The following ZNF226 variants were observed in gnomAD, a reference collection of about 807,000 sequenced individuals.
ZNF226 encodes the protein zinc finger protein 226, also known as Kruppel-associated box protein.
ZNF226 carries 6 observed loss-of-function variants against 11.4 expected under a neutral mutation model. That is an observed-to-expected ratio of 0.53 (90% CI 0.29 to 1.04). The LOEUF is 1.04. ZNF226 is among the 50% of genes least tolerant of loss of function. The pLI is 0.08. For synonymous variants in ZNF226, 350 were observed against 322.8 expected (o/e 1.08, Z -0.90); for missense variants, 1,058 against 956.5 (o/e 1.11, Z -1.40).
intron 4 of ZNF226, chr19:44,172,423 G>C: frequency 1.9e-6 from 1 of 523,150 alleles, no homozygotes; most frequent in South Asian, 2.5e-5. Context: ...ACAGAATACT[G>C]CTATGCCTTG....
Position 44,176,903 on chromosome 19 carries a change from A to G in ZNF226, c.1641A>G (p.Gln547=). 6.2e-7 allele frequency: 1 copy of G among 1,612,990 alleles called. No homozygotes were observed. Among genetic ancestry groups the G allele is most frequent in the Non-Finnish European group, 8.5e-7 (1 of 1,179,674 alleles). The change falls in exon 6 of 6, where the codon CAA becomes CAG. Residue 547 remains glutamine (Q), a synonymous_variant. Transcript: ENST00000337433. ...GCTTCAGTCAAAGTTCGTATCTTCA[A>G]ATCCATCAGAAGGCCCACAGTATAG... The part of the protein sequence containing the change: ...GKGFSQSSYL[Q]IHQKAHSIEK...
the ZNF226 span, among the ~76,000 whole-genome samples, chr19:44,190,577 C>T: frequency 5.3e-5 from 8 of 152,110 alleles, no homozygotes; most frequent in East Asian, 5.8e-4. Flanking sequence ...CCTCTTGATC[C>T]GCCCGCCTCG....
the ZNF226 span, among the ~76,000 whole-genome samples, chr19:44,198,571 G>T: frequency 1.3e-5 from 2 of 152,220 alleles, no homozygotes; most frequent in East Asian, 3.8e-4. Context: ...TGGTAGCCAT[G>T]AAAATGTATT....
chr19:44,179,559 AT>A (rs1342029255), downstream of ZNF226, among the ~76,000 whole-genome samples: 1 of 152,206 alleles, frequency 6.6e-6, no homozygotes, highest in East Asian at 1.9e-4. Context: ...CAGTGAATGC[AT>A]TTGAAGCTGC....
At chr19:44,194,390 C>T in the ZNF226 span, among the ~76,000 whole-genome samples, 1 of 152,168 alleles carries the variant, frequency 6.6e-6, no homozygotes, top group Non-Finnish European at 1.5e-5. Context: ...ATCCTGTTAT[C>T]GCAGCCTCCT....
intron 5 of ZNF226, 172 bp from the exon 6 acceptor site, chr19:44,175,326 G>C: frequency 3.5e-6 from 5 of 1,409,808 alleles, no homozygotes; most frequent in Non-Finnish European, 4.6e-6. Context: ...TCTTGGTTTT[G>C]GACCATCTCT....
At chr19:44,199,349 A>T in the ZNF226 span, among the ~76,000 whole-genome samples, 1 of 151,324 alleles carries the variant, frequency 6.6e-6, no homozygotes, top group African/African-American at 2.4e-5. Context: ...TAGTTTTTGT[A>T]TTTTTTTGTA....
chr19:44,195,953 C>T, the ZNF226 span, among the ~76,000 whole-genome samples: 36 of 152,184 alleles, frequency 2.4e-4, no homozygotes, highest in Non-Finnish European at 4.3e-4. Flanking sequence ...TGGCACACTA[C>T]AGCCTCAGGC....
At chr19:44,179,624 A>G (rs1446596627), downstream of ZNF226, among the ~76,000 whole-genome samples, 5 of 152,204 alleles carry the variant, frequency 3.3e-5, no homozygotes, top group Admixed American at 6.6e-5. Context: ...TTCCAGTAGT[A>G]GGAATGCTTC....
the ZNF226 span, among the ~76,000 whole-genome samples, chr19:44,184,608 A>G: frequency 2.0e-5 from 3 of 151,856 alleles, no homozygotes; most frequent in Admixed American, 6.6e-5. Context: ...CTAAAGGACC[A>G]GTGGTATCGG....
chr19:44,187,360 A>G, the ZNF226 span, among the ~76,000 whole-genome samples: 27 of 152,022 alleles, frequency 1.8e-4, no homozygotes, highest in East Asian at 4.1e-3. This position sits in a 1 kb window ranked among gnomAD's most constrained non-coding sequence, Gnocchi z 4.0. Flanking sequence ...TAGGTTGCAT[A>G]TTCCTAGTTT....
In ZNF226 at chr19:44,177,525, T is replaced by C. The variant is rs1352251211; in HGVS notation, c.2263T>C (p.Tyr755His). ...GCGAGTTCACACTGGGGAGAAACCT[T>C]ATAAATGTGAGATATGTGGTAAGAG... is the stretch of plus-strand genomic sequence containing the variant. ...HQRVHTGEKP[Y>H]KCEICGKSFS... The change falls in exon 6 of 6, where the codon TAT becomes CAT. Residue 755 changes from tyrosine (Y) to histidine (H), a missense_variant. Tyr to His is a moderately conservative substitution (Grantham distance 83). Transcript: ENST00000337433. 1 of 1,614,136 alleles carries C rather than the reference T, an allele frequency of 6.2e-7. No individual in the cohort carries two copies. Among genetic ancestry groups the C allele is most frequent in the South Asian group, 1.1e-5 (1 of 91,088 alleles).
In ZNF226 at chr19:44,172,125, C is replaced by T. The variant is rs756751752; in HGVS notation, c.53C>T (p.Thr18Met). ...VTFKDVAVAFTEEELGLLGPA... is the reference protein window; with the variant it reads ...VTFKDVAVAFMEEELGLLGPA... ...TTCAAGGACGTGGCTGTGGCCTTCACGGAGGAGGAATTGGGGCTGCTGGGC... is the reference window on the plus strand; with the variant it reads ...TTCAAGGACGTGGCTGTGGCCTTCATGGAGGAGGAATTGGGGCTGCTGGGC... Residue 18 changes from threonine to methionine, a missense_variant, in exon 4 of 6, where the codon ACG becomes ATG. Thr to Met is a moderately conservative substitution (Grantham distance 81, BLOSUM62 -1). Transcript: ENST00000337433. The T allele has an allele frequency of 4.3e-6, 7 of 1,612,804 alleles. No individual in the cohort carries two copies. The highest frequency in any genetic ancestry group is 2.7e-5 in the African/African-American group (2 of 74,886).
chr19:44,172,101 T>A lies in ZNF226; in HGVS notation c.29T>A (p.Phe10Tyr), dbSNP rs200048196. The A allele has an allele frequency of 6.2e-7, 1 of 1,612,204 alleles. No individual in the cohort carries two copies. The highest frequency in any genetic ancestry group is 8.5e-7 in the Non-Finnish European group (1 of 1,178,754). Residue 10 changes from phenylalanine to tyrosine, a missense_variant, in exon 4 of 6, where the codon TTC becomes TAC. Coordinates refer to ENST00000337433, the MANE Select transcript of ZNF226 (RefSeq NM_001032373.2). MNMFKEAVT[F>Y]KDVAVAFTEE... ...TTTTTGTCGTAGGAAGCAGTGACCT[T>A]CAAGGACGTGGCTGTGGCCTTCACG...
At chr19:44,188,916 G>A in the ZNF226 span, among the ~76,000 whole-genome samples, 293 of 152,288 alleles carry the variant, frequency 1.9e-3, no homozygotes, top group African/African-American at 6.6e-3. Context: ...GGCCACATAA[G>A]TTGTTTTGAA....
intron 2 of ZNF226, among the ~76,000 whole-genome samples, chr19:44,168,998 CTTTTTTTTTTTTT>C (rs34967576): frequency 7.7e-5 from 7 of 90,804 alleles, no homozygotes; most frequent in Non-Finnish European, 1.2e-4. Flanking sequence ...CTCCCTTTTC[CTTTTTTTTTTTTT>C]TTTTTTTTTT....
the ZNF226 span, among the ~76,000 whole-genome samples, chr19:44,190,474 C>G: frequency 1.3e-5 from 2 of 152,214 alleles, no homozygotes; most frequent in South Asian, 2.1e-4. Flanking sequence ...GCTGGGACTA[C>G]AGGCGCCCGC....
At chr19:44,184,967 G>C in the ZNF226 span, among the ~76,000 whole-genome samples, 1 of 151,894 alleles carries the variant, frequency 6.6e-6, no homozygotes, top group Admixed American at 6.6e-5. Flanking sequence ...TCTAAATTTT[G>C]TTCCTATAAT....
At chr19:44,195,041 A>T in the ZNF226 span, among the ~76,000 whole-genome samples, 1 of 152,180 alleles carries the variant, frequency 6.6e-6, no homozygotes, top group Admixed American at 6.5e-5. Flanking sequence ...TTTGCAGAAA[A>T]ACCAAAGCAA....
Sources: allele counts gnomAD v4.1 joint callset (sites outside exome capture counted in the v4.1 genomes callset), GRCh38; gene constraint gnomAD v4.1.1; non-coding constraint Gnocchi (gnomAD v3.1); transcripts MANE v1.5; gene names NCBI Gene and HGNC (gene_info 2026-07-23, HGNC 2026-07-21).